The following CAPN8 variants were observed in gnomAD, a reference collection of about 807,000 sequenced individuals.
CAPN8 encodes calpain 8.
Under a neutral mutation model 80.9 loss-of-function variants are expected in CAPN8, and 87 were observed. The observed-to-expected ratio is 1.07, with a 90% CI of 0.90 to 1.28. The LOEUF (loss-of-function observed/expected upper bound fraction) is 1.28. CAPN8 is among the 50% of genes most tolerant of loss of function. The pLI, the probability that CAPN8 is intolerant of heterozygous loss-of-function variation, is 0.00. For missense variants in CAPN8, 757 were observed against 702.0 expected (o/e 1.08, Z -0.89); for synonymous variants, 299 against 273.8 (o/e 1.09, Z -0.91).
intron 9 of CAPN8, among the ~76,000 whole-genome samples, chr1:223,616,352 T>C (rs184446192): frequency 6.6e-6 from 1 of 152,298 alleles, no homozygotes; most frequent in Non-Finnish European, 1.5e-5. Flanking sequence ...CACAGACATA[T>C]GGCATCGCAT....
intron 14 of CAPN8, among the ~76,000 whole-genome samples, chr1:223,552,149 C>T (rs1016746243): frequency 2.6e-5 from 4 of 152,190 alleles, no homozygotes; most frequent in Non-Finnish European, 5.9e-5. Flanking sequence ...TCCCATCCTC[C>T]GCTAGCCAGG....
intron 1 of CAPN8, among the ~76,000 whole-genome samples, chr1:223,656,675 T>TG (rs201212200): frequency 8.5e-5 from 8 of 94,106 alleles, no homozygotes; most frequent in East Asian, 4.2e-4. Context: ...TGGGTTTTTT[T>TG]GTTTTGTTTT....
intron 1 of CAPN8, among the ~76,000 whole-genome samples, chr1:223,655,222 A>T (rs560277033): frequency 3.5e-4 from 54 of 152,226 alleles, no homozygotes; most frequent in African/African-American, 1.2e-3. Flanking sequence ...AATGATAATG[A>T]CCCCATGTGC....
At chr1:223,620,374 A>C in intron 7 of CAPN8, 108 bp from the exon 8 acceptor site, 2 of 922,340 alleles carry the variant, frequency 2.2e-6, no homozygotes, top group Non-Finnish European at 3.4e-6. Flanking sequence ...AAAATACCAA[A>C]AGCACTGCAG....
At chr1:223,647,741 C>A (rs1469249011) in intron 2 of CAPN8, among the ~76,000 whole-genome samples, 1 of 151,934 alleles carries the variant, frequency 6.6e-6, no homozygotes, top group African/African-American at 2.4e-5. Context: ...AAAAATAGGG[C>A]CATAAAAAAA....
chr1:223,616,027 G>GCGATTTTT lies in CAPN8; in HGVS notation c.1246_1253dup (p.Arg419LysfsTer9). 1 of 1,552,324 alleles carries GCGATTTTT rather than the reference G, an allele frequency of 6.4e-7. No individual in the cohort carries two copies. Among genetic ancestry groups the GCGATTTTT allele is most frequent in the South Asian group, 1.2e-5 (1 of 84,070 alleles). Reference sequence around the variant, plus strand: ...CTTGTCCTATCCGCTTCCGCCACCTGCGATTTTTCTGCATCAGGCCCAGCA... The same window carrying GCGATTTTT: ...CTTGTCCTATCCGCTTCCGCCACCTGCGATTTTTCGATTTTTCTGCATCAGGCCCAGCA... On this transcript the variant is annotated frameshift_variant, in exon 10 of 21. Coordinates refer to ENST00000366872, the MANE Select transcript of CAPN8 (RefSeq NM_001143962.2). LOFTEE classifies it high-confidence loss of function.
Position 223,634,969 on chromosome 1 carries a change from G to C in CAPN8, c.308-6189C>G, listed in dbSNP as rs554116433. On this transcript the variant is annotated intron_variant, in intron 2 of 20. Transcript: ENST00000366872. Reference sequence around the variant, plus strand: ...GACAGAGGCATAATACCTTTAATCGGCTAGTTTATGTTTCCCTCCCACTCA... The same window carrying C: ...GACAGAGGCATAATACCTTTAATCGCCTAGTTTATGTTTCCCTCCCACTCA... Among the ~76,000 whole-genome samples, 30 of 152,314 alleles carry C rather than the reference G, an allele frequency of 2.0e-4. No homozygotes were observed. The South Asian group carries it at 3.3e-3, about 17-fold the overall frequency.
chr1:223,654,291 C>T, intron 2 of CAPN8, 39 bp downstream of exon 2: 1 of 1,529,844 alleles, frequency 6.5e-7, no homozygotes, highest in Non-Finnish European at 8.9e-7. Context: ...ACACACCCGC[C>T]CTCTCCCAAA....
At position 223,551,028 on chromosome 1, in the gene CAPN8, G is replaced by A. The variant is rs1197623283; in HGVS notation, c.1642-11C>T. On this transcript the variant is annotated splice_polypyrimidine_tract_variant and intron_variant, in intron 14 of 20. Coordinates refer to ENST00000366872, the MANE Select transcript of CAPN8 (RefSeq NM_001143962.2). ...AGTAATCTCAGAATCCTAGAAAGAG[G>A]AACCCAAATGCAAATCATGTCAGGC... 5 of 717,686 alleles carry A rather than the reference G, an allele frequency of 7.0e-6. No individual in the cohort carries two copies. Among genetic ancestry groups the A allele is most frequent in the East Asian group, 2.7e-5 (1 of 37,284 alleles). 44.5% of individuals were successfully genotyped at this position (717,686 alleles called of 1,614,324 possible).
chr1:223,646,675 G>A (rs1442281329), intron 2 of CAPN8, among the ~76,000 whole-genome samples: 4 of 152,178 alleles, frequency 2.6e-5, no homozygotes, highest in Non-Finnish European at 2.9e-5. Context: ...GGCTGAGGCG[G>A]GACAGCAGGG....
chr1:223,541,666 G>T lies in CAPN8; in HGVS notation c.*170C>A. 3.1e-6 allele frequency: 3 copies of T among 969,216 alleles called. No individual in the cohort carries two copies. Among genetic ancestry groups the T allele is most frequent in the Non-Finnish European group, 3.1e-6 (2 of 636,756 alleles). 60.0% of individuals were successfully genotyped at this position (969,216 alleles called of 1,614,324 possible). On this transcript the variant is annotated 3_prime_UTR_variant, in exon 21 of 21. Transcript: ENST00000366872. Reference sequence around the variant, plus strand: ...GCTTTCCCTCCACTGGGCCCACCGGGTCGGCTTACATAGCTCATAGCTCAG... The same window carrying T: ...GCTTTCCCTCCACTGGGCCCACCGGTTCGGCTTACATAGCTCATAGCTCAG...
chr1:223,633,442 A>G (rs1340151423), intron 2 of CAPN8, among the ~76,000 whole-genome samples: 1 of 151,974 alleles, frequency 6.6e-6, no homozygotes, highest in East Asian at 1.9e-4. Context: ...CAGGTGGATC[A>G]CTTGAGGTCA....
intron 20 of CAPN8, among the ~76,000 whole-genome samples, chr1:223,542,060 A>C (rs969887754): frequency 6.6e-6 from 1 of 152,168 alleles, no homozygotes; most frequent in African/African-American, 2.4e-5. Flanking sequence ...TGTGACTCAG[A>C]AAAAGCTCTA....
intron 2 of CAPN8, among the ~76,000 whole-genome samples, chr1:223,650,078 T>C (rs900752764): frequency 2.6e-5 from 4 of 152,120 alleles, no homozygotes; most frequent in African/African-American, 9.7e-5. Context: ...AATTAGGCAC[T>C]GCTAGTGGTA....
intron 10 of CAPN8, chr1:223,615,721 A>C (rs1258070082): frequency 4.9e-6 from 3 of 615,488 alleles, no homozygotes; most frequent in Non-Finnish European, 9.1e-6. Context: ...CTGAGCCCTC[A>C]ATGACAGGCA....
At chr1:223,551,678 T>C (rs1402668575) in intron 14 of CAPN8, among the ~76,000 whole-genome samples, 1 of 152,214 alleles carries the variant, frequency 6.6e-6, no homozygotes, top group Non-Finnish European at 1.5e-5. Flanking sequence ...GTGTGGAAGA[T>C]CCTTAAATCC....
At chr1:223,618,913 G>A (rs1026724574) in intron 9 of CAPN8, among the ~76,000 whole-genome samples, 4 of 152,242 alleles carry the variant, frequency 2.6e-5, no homozygotes, top group Non-Finnish European at 4.4e-5. Context: ...CATAGGGCTG[G>A]GCACGGTGGC....
At chr1:223,543,979 A>G in intron 19 of CAPN8, 88 bp downstream of exon 19, 1 of 673,832 alleles carries the variant, frequency 1.5e-6, no homozygotes, top group South Asian at 1.6e-5. Flanking sequence ...TCCTAAAGGC[A>G]ATGTCTGGTT....
rs536128238 is a variant in CAPN8 at position 223,647,537 on chromosome 1, C to T, written c.307+6793G>A. Among the ~76,000 whole-genome samples the T allele has an allele frequency of 5.3e-5, 8 of 152,214 alleles. No individual in the cohort carries two copies. In the South Asian group the frequency reaches 1.5e-3, roughly 28 times the overall value. ...CTTTCTTTCTTCCCTCCTGCTTGCT[C>T]TTCCTCTTTAAATATTGAAGTTCCT... On this transcript the variant is annotated intron_variant, in intron 2 of 20. Transcript: ENST00000366872.
Sources: allele counts gnomAD v4.1 joint callset (sites outside exome capture counted in the v4.1 genomes callset), GRCh38; gene constraint gnomAD v4.1.1; transcripts MANE v1.5; gene names NCBI Gene and HGNC (gene_info 2026-07-23, HGNC 2026-07-21).